Variants in C3orf20 observed in about 807,000 individuals in gnomAD.
C3orf20 encodes family with sequence similarity 149 member C.
In C3orf20, 76 loss-of-function variants were observed where a neutral mutation model predicts 88.3. The ratio of observed to expected loss-of-function variants is 0.86; its 90% confidence interval spans 0.72 to 1.04. The LOEUF (loss-of-function observed/expected upper bound fraction) is 1.04. C3orf20 is among the 50% of genes least tolerant of loss of function. The pLI is 0.00. For synonymous variants in C3orf20, 436 were observed against 437.4 expected (o/e 1.00, Z 0.04); for missense variants, 1,056 against 1,123.3 (o/e 0.94, Z 0.86).
At chr3:14,713,914 C>T (rs776989436) in intron 7 of C3orf20, 93 bp from the exon 8 acceptor site, 5 of 1,393,226 alleles carry the variant, frequency 3.6e-6, no homozygotes, top group Non-Finnish European at 5.0e-6. Context: ...CACCAAATAG[C>T]TAACACTTTG....
chr3:14,690,262 C>A, intron 5 of C3orf20, 146 bp downstream of exon 5: 1 of 1,134,858 alleles, frequency 8.8e-7, no homozygotes, highest in Non-Finnish European at 1.2e-6. Context: ...CCTGGAGATC[C>A]AGCAGCTGTC....
chr3:14,766,606 A>G (rs973306452), intron 15 of C3orf20, among the ~76,000 whole-genome samples: 4 of 152,196 alleles, frequency 2.6e-5, no homozygotes, highest in Non-Finnish European at 5.9e-5. Context: ...CACTATTTGC[A>G]GGCCCCTATC....
chr3:14,690,175 G>A (rs1467277250), intron 5 of C3orf20, 59 bp downstream of exon 5: 10 of 1,609,932 alleles, frequency 6.2e-6, no homozygotes, highest in Non-Finnish European at 8.5e-6. Flanking sequence ...GTGGGGGATA[G>A]GTTTCCGTCT....
At chr3:14,690,516 A>C (rs1284897794) in intron 5 of C3orf20, among the ~76,000 whole-genome samples, 3 of 152,216 alleles carry the variant, frequency 2.0e-5, no homozygotes, top group Non-Finnish European at 4.4e-5. Context: ...AGGTATTTGG[A>C]TACCAAACCT....
At chr3:14,704,166 A>T (rs1017698854) in intron 6 of C3orf20, among the ~76,000 whole-genome samples, 171 bp from the exon 7 acceptor site, 1 of 152,198 alleles carries the variant, frequency 6.6e-6, no homozygotes, top group African/African-American at 2.4e-5. Flanking sequence ...GGAACTTCCC[A>T]GTTCTTCCCA....
intron 7 of C3orf20, among the ~76,000 whole-genome samples, chr3:14,706,963 GTCTGGGCCGGGCGTGGTGGC>G (rs2033529172): frequency 6.6e-6 from 1 of 151,864 alleles, no homozygotes; most frequent in Admixed American, 6.6e-5. Flanking sequence ...AAAATTATAT[GTCTGGGCCGGGCGTGGTGGC>G]TCGTGCCTGT....
chr3:14,757,784 C>T (rs932868881), intron 13 of C3orf20, 110 bp downstream of exon 13: 8 of 966,604 alleles, frequency 8.3e-6, no homozygotes, highest in East Asian at 2.6e-5. Context: ...CCTGAGGGGC[C>T]ACCCTCCTTC....
At chr3:14,702,617 T>G (rs1006115740) in intron 5 of C3orf20, among the ~76,000 whole-genome samples, 2 of 152,002 alleles carry the variant, frequency 1.3e-5, no homozygotes, top group African/African-American at 4.8e-5. Flanking sequence ...ATTTTTGTAT[T>G]TTTTGTAGAG....
intron 5 of C3orf20, among the ~76,000 whole-genome samples, chr3:14,700,287 A>G (rs983833397): frequency 1.3e-5 from 2 of 152,022 alleles, no homozygotes; most frequent in African/African-American, 4.8e-5. Flanking sequence ...TGGTGTTCCT[A>G]TGGGGAGAAC....
chr3:14,751,882 A>T (rs2125023307), intron 12 of C3orf20, among the ~76,000 whole-genome samples: 1 of 152,366 alleles, frequency 6.6e-6, no homozygotes, highest in African/African-American at 2.4e-5. Flanking sequence ...AGAAGAATCA[A>T]TATTGTGAAA....
intron 5 of C3orf20, among the ~76,000 whole-genome samples, chr3:14,692,294 C>G (rs193111158): frequency 6.6e-6 from 1 of 152,212 alleles, no homozygotes; most frequent in Admixed American, 6.5e-5. Flanking sequence ...CATAGTAGCT[C>G]TATCTTTATT....
intron 12 of C3orf20, among the ~76,000 whole-genome samples, chr3:14,756,219 G>A (rs2035367871): frequency 1.3e-5 from 2 of 151,112 alleles, no homozygotes; most frequent in East Asian, 2.0e-4. Context: ...AATAGACATC[G>A]ATAAAGGTAG....
At position 14,682,597 on chromosome 3, in the gene C3orf20, C is replaced by T; in HGVS notation, c.-117C>T. On this transcript the variant is annotated 5_prime_UTR_variant, in exon 3 of 17. Transcript: ENST00000253697. Reference sequence around the variant, plus strand: ...GGATAGGAACCACTGGCTCAATGACCTGTAAGGGCCGTTTCAGCACATCCA... The same window carrying T: ...GGATAGGAACCACTGGCTCAATGACTTGTAAGGGCCGTTTCAGCACATCCA... The T allele has an allele frequency of 7.5e-7, 1 of 1,340,968 alleles. No homozygotes were observed. The highest frequency in any genetic ancestry group is 1.0e-6 in the Non-Finnish European group (1 of 987,166). 83.1% of individuals were successfully genotyped at this position (1,340,968 alleles called of 1,614,324 possible). A position where few individuals can be genotyped will look rare whatever the true frequency, so the allele number is the denominator to read the frequency against.
At chr3:14,730,468 A>G (rs2034504337) in intron 12 of C3orf20, among the ~76,000 whole-genome samples, 1 of 152,014 alleles carries the variant, frequency 6.6e-6, no homozygotes, top group South Asian at 2.1e-4. Flanking sequence ...AATGGCGTGA[A>G]CCCAGGAGGC....
chr3:14,720,058 C>G (rs1242264370), intron 9 of C3orf20, among the ~76,000 whole-genome samples: 2 of 151,890 alleles, frequency 1.3e-5, no homozygotes, highest in African/African-American at 2.4e-5. Flanking sequence ...GAGATAGAGT[C>G]TCACTCTGTC....
At chr3:14,741,503 C>A (rs1286323517) in intron 12 of C3orf20, among the ~76,000 whole-genome samples, 1 of 152,200 alleles carries the variant, frequency 6.6e-6, no homozygotes, top group Non-Finnish European at 1.5e-5. Flanking sequence ...CTCTAATGCA[C>A]TTAGACTTAC....
At chr3:14,742,791 T>C (rs1017942353) in intron 12 of C3orf20, among the ~76,000 whole-genome samples, 19 of 152,116 alleles carry the variant, frequency 1.2e-4, no homozygotes, top group African/African-American at 4.3e-4. Context: ...TCTTATGTGG[T>C]GGTGGCAAGA....
rs139855848 is a variant in C3orf20 at position 14,708,021 on chromosome 3, T to C, written c.1160+3403T>C. Among the ~76,000 whole-genome samples, 797 of 152,220 alleles carry C rather than the reference T, an allele frequency of 5.2e-3. 4 individuals carry two copies. Among genetic ancestry groups the C allele is most frequent in the African/African-American group, 0.018 (750 of 41,534 alleles). Reference sequence around the variant, plus strand: ...TTAGTAGAGATGGGGTTTCTCCATGTTGGTCAGGCTGGTCTTGAACTCACT... The same window carrying C: ...TTAGTAGAGATGGGGTTTCTCCATGCTGGTCAGGCTGGTCTTGAACTCACT... On this transcript the variant is annotated intron_variant, in intron 7 of 16. Coordinates refer to ENST00000253697, the MANE Select transcript of C3orf20 (RefSeq NM_032137.5).
At chr3:14,749,415 G>A (rs935965626) in intron 12 of C3orf20, among the ~76,000 whole-genome samples, 4 of 152,144 alleles carry the variant, frequency 2.6e-5, no homozygotes, top group Non-Finnish European at 5.9e-5. Flanking sequence ...GCTCAAGAGA[G>A]CCTCCCACCT....
Sources: allele counts gnomAD v4.1 joint callset (sites outside exome capture counted in the v4.1 genomes callset), GRCh38; gene constraint gnomAD v4.1.1; transcripts MANE v1.5; gene names NCBI Gene and HGNC (gene_info 2026-07-23, HGNC 2026-07-21).